Variants in ABCB11 observed in about 807,000 individuals in gnomAD.
The protein encoded by ABCB11 is bile salt export pump.
In ABCB11, 95 loss-of-function variants were observed where a neutral mutation model predicts 148.0. The observed-to-expected ratio is 0.64, with a 90% CI of 0.54 to 0.76. ABCB11 has a LOEUF of 0.76. Ranked by LOEUF, ABCB11 falls within the 30% of genes least tolerant of loss-of-function variation. ABCB11 has a pLI of 0.00. For missense variants in ABCB11, 1,523 were observed against 1,617.8 expected (o/e 0.94, Z 1.01); for synonymous variants, 591 against 555.4 (o/e 1.06, Z -0.90).
chr2:168,915,432 G>A (rs1690923025), downstream of ABCB11, among the ~76,000 whole-genome samples: 1 of 152,082 alleles, frequency 6.6e-6, no homozygotes, highest in African/African-American at 2.4e-5. Flanking sequence ...TATTAATAAA[G>A]ATCTATTGAG....
In ABCB11 at chr2:168,927,313, G is replaced by C; in HGVS notation, c.3461C>G (p.Ser1154Ter). ...TTCCTGGGAAACAATTCCAATGTTT[G>C]AGCGGAGGAACTGGACATTTACTTT... is the stretch of plus-strand genomic sequence containing the variant. ...SKKVNVQFLR[S>*]NIGIVSQEPV... Residue 1154 changes from serine to a stop codon, truncating the protein, a stop_gained, in exon 26 of 28, where the codon TCA becomes TGA. Coordinates refer to ENST00000650372, the MANE Select transcript of ABCB11 (RefSeq NM_003742.4). LOFTEE classifies it high-confidence loss of function. The C allele has an allele frequency of 6.2e-7, 1 of 1,613,864 alleles. No homozygotes were observed. Among genetic ancestry groups the C allele is most frequent in the South Asian group, 1.1e-5 (1 of 91,072 alleles).
chr2:168,970,769 C>T (rs559068416), intron 14 of ABCB11, among the ~76,000 whole-genome samples: 2 of 151,978 alleles, frequency 1.3e-5, no homozygotes, highest in East Asian at 3.9e-4. Flanking sequence ...TGAATTGAGC[C>T]CCTACTATGA....
chr2:168,990,966 A>G (rs758337845), intron 8 of ABCB11, 41 bp from the exon 9 acceptor site: 3 of 1,603,296 alleles, frequency 1.9e-6, no homozygotes, highest in Non-Finnish European at 2.6e-6. Flanking sequence ...GAAGTCCAAG[A>G]AATTAGGTAA....
At chr2:168,952,884 A>C (rs1692632278) in intron 19 of ABCB11, among the ~76,000 whole-genome samples, 1 of 151,470 alleles carries the variant, frequency 6.6e-6, no homozygotes. Flanking sequence ...GCTGTATCTC[A>C]CAGGTTTTGG....
intron 5 of ABCB11, among the ~76,000 whole-genome samples, chr2:169,004,091 C>T (rs942387424): frequency 2.0e-5 from 3 of 152,066 alleles, no homozygotes; most frequent in African/African-American, 7.2e-5. Context: ...AGATTCTTTC[C>T]TTCATCTTGA....
At chr2:168,931,738 T>C (rs1691576358) in intron 24 of ABCB11, among the ~76,000 whole-genome samples, 1 of 152,218 alleles carries the variant, frequency 6.6e-6, no homozygotes, top group Admixed American at 6.5e-5. Flanking sequence ...ATTTGGGAAC[T>C]AAGTGTATTT....
At chr2:168,976,195 T>G (rs1344643513) in intron 12 of ABCB11, among the ~76,000 whole-genome samples, 1 of 152,152 alleles carries the variant, frequency 6.6e-6, no homozygotes, top group Non-Finnish European at 1.5e-5. Context: ...ACTCAGTGTC[T>G]TCCACTTTCT....
intron 19 of ABCB11, among the ~76,000 whole-genome samples, chr2:168,945,324 C>T (rs191093131): frequency 4.3e-4 from 65 of 151,912 alleles, no homozygotes; most frequent in African/African-American, 1.4e-3. Flanking sequence ...TTTAAACATG[C>T]TAGTAATTAA....
At chr2:168,968,596 T>G in intron 16 of ABCB11, 106 bp from the exon 17 acceptor site, 1 of 885,402 alleles carries the variant, frequency 1.1e-6, no homozygotes, top group South Asian at 2.1e-5. Flanking sequence ...CTATGTCAAA[T>G]GCCAAAACAT....
intron 27 of ABCB11, 76 bp downstream of exon 27, chr2:168,924,581 C>A (rs757403151): frequency 5.5e-6 from 8 of 1,446,078 alleles, no homozygotes; most frequent in Non-Finnish European, 6.6e-6. Flanking sequence ...GAAAATAGTG[C>A]CATTTTATTA....
chr2:168,933,697 G>A (rs757587645), intron 23 of ABCB11, among the ~76,000 whole-genome samples: 10 of 152,144 alleles, frequency 6.6e-5, no homozygotes, highest in Non-Finnish European at 8.8e-5. Flanking sequence ...GGAAGATGAC[G>A]TTCCAATTTT....
chr2:168,970,049 C>T lies in ABCB11; in HGVS notation c.1805G>A (p.Ser602Asn). ...TGGACTAAGACTTCCACAAACCTTACTCAGCACTTCTTGCACCATGGCTTC... is the reference window on the plus strand; with the variant it reads ...TGGACTAAGACTTCCACAAACCTTATTCAGCACTTCTTGCACCATGGCTTC... Reference protein sequence around the residue: ...ESEAMVQEVLSKIQHGHTIIS... With the variant: ...ESEAMVQEVLNKIQHGHTIIS... Residue 602 changes from serine (S) to asparagine (N), a missense_variant, in exon 15 of 28, where the codon AGT becomes AAT. Transcript: ENST00000650372. 5 of 1,453,140 alleles carry T rather than the reference C, an allele frequency of 3.4e-6. No individual in the cohort carries two copies. Among genetic ancestry groups the T allele is most frequent in the Non-Finnish European group, 4.6e-6 (5 of 1,078,848 alleles). 90.0% of individuals were successfully genotyped at this position (1,453,140 alleles called of 1,614,324 possible).
At chr2:168,974,730 T>TA (rs1693740644) in intron 12 of ABCB11, among the ~76,000 whole-genome samples, 2 of 151,936 alleles carry the variant, frequency 1.3e-5, no homozygotes, top group Non-Finnish European at 2.9e-5. Flanking sequence ...CTATTAAAAG[T>TA]AATGGCAAAA....
rs776623484 is a variant in ABCB11 at position 168,971,850 on chromosome 2, T to C, written c.1635A>G (p.Pro545=). The change falls in exon 14 of 28, where the codon CCA becomes CCG. Residue 545 remains proline (P), a synonymous_variant. Transcript: ENST00000650372. The stretch of plus-strand genomic sequence containing the variant: ...AGGAATGTATGGCTAGGGGTACCTG[T>C]GGCAGGTCCATGATGAAGTTGTAGG... ...ANAYNFIMDL[P]QQFDTLVGEG... is the part of the protein sequence containing the mutation. The C allele has an allele frequency of 3.1e-6, 5 of 1,612,426 alleles. No homozygotes were observed. Among genetic ancestry groups the C allele is most frequent in the Non-Finnish European group, 2.5e-6 (3 of 1,178,930 alleles).
chr2:168,996,660 G>A lies in ABCB11; in HGVS notation c.452C>T (p.Ala151Val), dbSNP rs1416007820. 3.2e-6 allele frequency: 5 copies of A among 1,565,914 alleles called. No individual in the cohort carries two copies. The highest frequency in any genetic ancestry group is 2.7e-5 in the African/African-American group (2 of 73,342). ...TTGAATATATCCTGTGATAAGTACT[G>A]CGACAGCAATTCCAGCATAGTAACT... ...FASYYAGIAV[A>V]VLITGYIQIC... The change falls in exon 6 of 28, where the codon GCA (alanine) becomes GTA (valine). Residue 151 changes from alanine (A) to valine (V), a missense_variant. By Grantham distance (64) the Ala-to-Val change is moderately conservative. Coordinates refer to ENST00000650372, the MANE Select transcript of ABCB11 (RefSeq NM_003742.4).
At chr2:168,987,988 AT>A (rs1694381929) in intron 9 of ABCB11, among the ~76,000 whole-genome samples, 1 of 151,146 alleles carries the variant, frequency 6.6e-6, no homozygotes, top group Non-Finnish European at 1.5e-5. Flanking sequence ...ACATACTTAT[AT>A]TGTGTGTGTG....
intron 5 of ABCB11, among the ~76,000 whole-genome samples, chr2:169,011,677 T>C (rs925276096): frequency 6.6e-6 from 1 of 152,144 alleles, no homozygotes; most frequent in Non-Finnish European, 1.5e-5. Context: ...ATAGGGATCA[T>C]GACTCTTTTG....
chr2:168,976,460 C>G (rs1041393964), intron 12 of ABCB11, 117 bp downstream of exon 12: 2 of 568,200 alleles, frequency 3.5e-6, no homozygotes, highest in African/African-American at 1.9e-5. Flanking sequence ...AAAGACACCT[C>G]CATTCCCTAT....
intron 19 of ABCB11, among the ~76,000 whole-genome samples, chr2:168,948,063 C>A (rs572411208): frequency 1.3e-5 from 2 of 151,468 alleles, no homozygotes; most frequent in Admixed American, 1.3e-4. Context: ...GACATGATCC[C>A]AGGGCACACA....
Sources: allele counts gnomAD v4.1 joint callset (sites outside exome capture counted in the v4.1 genomes callset), GRCh38; gene constraint gnomAD v4.1.1; transcripts MANE v1.5; gene names NCBI Gene and HGNC (gene_info 2026-07-23, HGNC 2026-07-21).